The following SPIDR variants were observed in gnomAD, a reference collection of about 807,000 sequenced individuals.
The protein encoded by SPIDR is DNA repair-scaffolding protein.
Under a neutral mutation model 104.6 loss-of-function variants are expected in SPIDR, and 93 were observed. The ratio of observed to expected loss-of-function variants is 0.89; its 90% CI spans 0.75 to 1.06. The LOEUF (loss-of-function observed/expected upper bound fraction) is 1.06. SPIDR is among the 50% of genes least tolerant of loss of function. The pLI is 0.00. For missense variants in SPIDR, 1,154 were observed against 1,111.2 expected, an observed-to-expected ratio of 1.04 and a Z score of -0.55; for synonymous variants, 431 against 416.9, an observed-to-expected ratio of 1.03 and a Z score of -0.41.
intron 3 of SPIDR, among the ~76,000 whole-genome samples, chr8:47,287,937 T>C (rs1378518392): frequency 1.3e-5 from 2 of 152,152 alleles, no homozygotes; most frequent in African/African-American, 2.4e-5. Context: ...TAAAGGTCCA[T>C]ATTAAAATGA....
At chr8:47,660,291 T>G (rs1173662806) in intron 10 of SPIDR, among the ~76,000 whole-genome samples, 1 of 152,202 alleles carries the variant, frequency 6.6e-6, no homozygotes, top group Non-Finnish European at 1.5e-5. Context: ...AAAAAAAAAT[T>G]CTTAAAGACA....
intron 8 of SPIDR, among the ~76,000 whole-genome samples, chr8:47,575,694 G>GCT (rs916951070): frequency 2.0e-5 from 3 of 150,608 alleles, no homozygotes; most frequent in Non-Finnish European, 4.4e-5. Context: ...AGGCGCAGTG[G>GCT]CTCACACTTG....
intron 8 of SPIDR, among the ~76,000 whole-genome samples, chr8:47,443,496 A>G (rs1170945738): frequency 6.9e-6 from 1 of 144,430 alleles, no homozygotes; most frequent in Non-Finnish European, 1.5e-5. Context: ...GCTTGAGCCC[A>G]GGAGGTGGGG....
intron 11 of SPIDR, among the ~76,000 whole-genome samples, chr8:47,689,904 A>G (rs2078384450): frequency 1.3e-5 from 2 of 152,220 alleles, no homozygotes; most frequent in Admixed American, 6.5e-5. Flanking sequence ...TGGCACGTCA[A>G]TGTAAATTAT....
intron 7 of SPIDR, among the ~76,000 whole-genome samples, chr8:47,434,856 G>A (rs1430894353): frequency 6.6e-6 from 1 of 152,116 alleles, no homozygotes; most frequent in Non-Finnish European, 1.5e-5. Flanking sequence ...GAGTATAATT[G>A]GACCCTGACT....
At chr8:47,439,225 C>G (rs981824866) in intron 7 of SPIDR, among the ~76,000 whole-genome samples, 16 of 152,168 alleles carry the variant, frequency 1.1e-4, no homozygotes, top group African/African-American at 3.9e-4. Flanking sequence ...GGGTTCCCCT[C>G]CTGAGTCATA....
At chr8:47,456,592 G>T (rs1363409879) in intron 8 of SPIDR, among the ~76,000 whole-genome samples, 1 of 152,050 alleles carries the variant, frequency 6.6e-6, no homozygotes, top group Non-Finnish European at 1.5e-5. Flanking sequence ...TTGGTCCAAG[G>T]TTTTATTTTC....
intron 5 of SPIDR, among the ~76,000 whole-genome samples, chr8:47,386,735 A>C (rs76153899): frequency 0.014 from 2,140 of 152,280 alleles, 51 homozygotes; most frequent in African/African-American, 0.048. Flanking sequence ...ATACATTTAT[A>C]AATATTTCAA....
intron 19 of SPIDR, among the ~76,000 whole-genome samples, chr8:47,729,984 G>C (rs1164103591): frequency 6.6e-6 from 1 of 152,078 alleles, no homozygotes; most frequent in Non-Finnish European, 1.5e-5. Flanking sequence ...CTCCCAAAGT[G>C]ATGGGATTAC....
chr8:47,522,993 A>ATTTAT (rs1200925052), intron 8 of SPIDR, among the ~76,000 whole-genome samples: 16 of 151,128 alleles, frequency 1.1e-4, no homozygotes, highest in East Asian at 7.8e-4. Flanking sequence ...TTTTTTATTT[A>ATTTAT]TTTATTTTAT....
At position 47,456,473 on chromosome 8, in the gene SPIDR, G is replaced by A. The variant is rs543615612; in HGVS notation, c.1097+15931G>A. 3.9e-4 allele frequency among the ~76,000 whole-genome samples: 60 copies of A among 152,178 alleles called. 1 individual carries two copies. In the South Asian group the frequency reaches 0.012, roughly 31 times the overall value. On this transcript the variant is annotated intron_variant, in intron 8 of 19. Coordinates refer to ENST00000297423, the MANE Select transcript of SPIDR (RefSeq NM_001080394.4). ...TACATTTTAAAACTTTCAAATTACC[G>A]AATATCTTTTCTGTTCACAATGGAA...
chr8:47,527,358 A>G (rs1165662689), intron 8 of SPIDR: 3 of 152,198 alleles, frequency 2.0e-5, no homozygotes, highest in Admixed American at 2.0e-4. Flanking sequence ...ACCTGTCAAG[A>G]TCTCAGCCCA....
chr8:47,395,676 T>C (rs1659470986), intron 5 of SPIDR, among the ~76,000 whole-genome samples: 1 of 152,136 alleles, frequency 6.6e-6, no homozygotes. Flanking sequence ...ATTTTTTTTC[T>C]TTTTTATTGG....
chr8:47,315,990 A>G (rs2045267807), intron 5 of SPIDR, among the ~76,000 whole-genome samples: 1 of 152,202 alleles, frequency 6.6e-6, no homozygotes, highest in South Asian at 2.1e-4. Context: ...CTAACACTCT[A>G]TAAACTTCTT....
chr8:47,505,300 C>T (rs1304544025), intron 8 of SPIDR, among the ~76,000 whole-genome samples: 5 of 152,194 alleles, frequency 3.3e-5, no homozygotes, highest in Non-Finnish European at 7.3e-5. Context: ...CGAGCTTCCC[C>T]GCCACTTTGT....
At chr8:47,548,964 C>G (rs2089981184) in intron 8 of SPIDR, among the ~76,000 whole-genome samples, 1 of 152,156 alleles carries the variant, frequency 6.6e-6, no homozygotes, top group Non-Finnish European at 1.5e-5. Context: ...GTTCCCCACC[C>G]TGTGTGTAAG....
chr8:47,267,449 T>C (rs149107856), intron 1 of SPIDR, among the ~76,000 whole-genome samples: 4 of 152,392 alleles, frequency 2.6e-5, no homozygotes, highest in African/African-American at 9.6e-5. Context: ...TTTTCCAAAG[T>C]GGTTGCACCT....
chr8:47,712,571 A>G, intron 14 of SPIDR, 91 bp from the exon 15 acceptor site: 1 of 1,304,790 alleles, frequency 7.7e-7, no homozygotes, highest in South Asian at 1.4e-5. Context: ...AATATCTTAA[A>G]TTGTTAGTAT....
Position 47,342,160 on chromosome 8 carries a change from C to T in SPIDR, c.525+48130C>T, listed in dbSNP as rs147561605. Reference sequence around the variant, plus strand: ...TTGGGAGACATTTCCATTTGTTTATCGTCATATGGAATTGTCTGAATTTTA... The same window carrying T: ...TTGGGAGACATTTCCATTTGTTTATTGTCATATGGAATTGTCTGAATTTTA... On this transcript the variant is annotated intron_variant, in intron 5 of 19. Transcript: ENST00000297423. Among the ~76,000 whole-genome samples, 94 of 151,946 alleles carry T rather than the reference C, an allele frequency of 6.2e-4. 2 individuals carry two copies. The East Asian group carries it at 0.016, about 26-fold the overall frequency.
Sources: gnomAD v4.1 joint callset for allele counts (sites outside exome capture counted in the v4.1 genomes callset) on GRCh38, gnomAD v4.1.1 for gene constraint, MANE v1.5 for transcripts, NCBI Gene and HGNC (gene_info 2026-07-23, HGNC 2026-07-21) for gene names.